ZNF516: variants seen among roughly 807,000 people sequenced by gnomAD.
ZNF516 encodes zinc finger protein 516.
A neutral mutation model predicts 79.7 loss-of-function variants in ZNF516; 19 were observed. The observed-to-expected ratio is 0.24, with a 90% CI of 0.17 to 0.35. The LOEUF is 0.35. ZNF516 is among the 10% of genes least tolerant of loss of function. The pLI is 1.00. For synonymous variants in ZNF516, 877 were observed against 739.5 expected (o/e 1.19, Z -3.02); for missense variants, 1,678 against 1,679.5 (o/e 1.00, Z 0.02).
At chr18:76,439,467 T>C (rs34186428) in intron 3 of ZNF516, among the ~76,000 whole-genome samples, 3,451 of 152,360 alleles carry the variant, frequency 0.023, 52 homozygotes, top group Middle Eastern at 0.034. Context: ...ATGATACATG[T>C]CTTGTTATAG....
At chr18:76,452,077 G>C (rs548757116) in intron 2 of ZNF516, among the ~76,000 whole-genome samples, 5 of 152,108 alleles carry the variant, frequency 3.3e-5, no homozygotes, top group Non-Finnish European at 5.9e-5. Context: ...ATGAATAAAA[G>C]GCGACCAGAA....
chr18:76,423,000 C>T (rs1206965418), intron 3 of ZNF516, among the ~76,000 whole-genome samples: 3 of 152,162 alleles, frequency 2.0e-5, no homozygotes, highest in Admixed American at 1.3e-4. Flanking sequence ...AATCTTAATG[C>T]GTCTGGCCAC....
chr18:76,489,586 C>CAA (rs5826461), intron 1 of ZNF516, among the ~76,000 whole-genome samples: 15 of 109,348 alleles, frequency 1.4e-4, no homozygotes, highest in East Asian at 5.5e-4. Flanking sequence ...CAACATCTTA[C>CAA]AAAAAAAAAA....
At chr18:76,434,420 AT>A (rs752288297) in intron 3 of ZNF516, among the ~76,000 whole-genome samples, 1 of 152,220 alleles carries the variant, frequency 6.6e-6, no homozygotes, top group Non-Finnish European at 1.5e-5. Context: ...AGTTTAGCAT[AT>A]GAGGCAAAGA....
At chr18:76,443,278 AC>A in intron 2 of ZNF516, 67 bp from the exon 3 acceptor site, 1 of 609,272 alleles carries the variant, frequency 1.6e-6, no homozygotes, top group Non-Finnish European at 2.7e-6. Context: ...GGCTGCGGGA[AC>A]CCCCACATGC....
chr18:76,465,511 G>A (rs1403926820), intron 1 of ZNF516, among the ~76,000 whole-genome samples: 1 of 152,224 alleles, frequency 6.6e-6, no homozygotes, highest in Non-Finnish European at 1.5e-5. Context: ...AGGATGGAGG[G>A]ACAGACAGGG....
intron 3 of ZNF516, among the ~76,000 whole-genome samples, chr18:76,433,009 GCACATCCTGAGTCCA>G (rs1265140466): frequency 1.3e-5 from 2 of 152,138 alleles, no homozygotes; most frequent in East Asian, 3.9e-4. Flanking sequence ...AGACCTGGCC[GCACATCCTGAGTCCA>G]CACATCCTGA....
chr18:76,464,414 G>C (rs1913320866), intron 1 of ZNF516, among the ~76,000 whole-genome samples: 1 of 152,174 alleles, frequency 6.6e-6, no homozygotes, highest in Non-Finnish European at 1.5e-5. Flanking sequence ...GCATGACTGG[G>C]GCCTTTGCTG....
intron 6 of ZNF516, among the ~76,000 whole-genome samples, chr18:76,368,056 C>G (rs973970423): frequency 6.6e-6 from 1 of 152,074 alleles, no homozygotes; most frequent in African/African-American, 2.4e-5. Flanking sequence ...GCAAAGCACG[C>G]TAAACATGAA....
intron 3 of ZNF516, among the ~76,000 whole-genome samples, chr18:76,418,653 T>C (rs184745686): frequency 1.3e-5 from 2 of 152,320 alleles, no homozygotes; most frequent in African/African-American, 2.4e-5. Flanking sequence ...AAGATTGTGC[T>C]TCTGGGTTAC....
At position 76,379,557 on chromosome 18, in the gene ZNF516, G is replaced by T. The variant is rs763956244; in HGVS notation, c.2557C>A (p.Pro853Thr). The T allele has an allele frequency of 2.5e-6, 4 of 1,613,696 alleles. No homozygotes were observed. The Admixed American group carries it at 6.7e-5, about 27-fold the overall frequency. Residue 853 changes from proline (P) to threonine (T), a missense_variant, in exon 4 of 7, where the codon CCC (proline) becomes ACC (threonine). Pro to Thr is a conservative substitution (Grantham distance 38, BLOSUM62 -1). Transcript: ENST00000443185. ...GMPGSKSGSS[P>T]LGVVTKAASM... Reference sequence around the variant, plus strand: ...GCGGCTTTTGTGACCACTCCCAGGGGAGAAGAGCCACTTTTGGACCCCGGC... The same window carrying T: ...GCGGCTTTTGTGACCACTCCCAGGGTAGAAGAGCCACTTTTGGACCCCGGC...
chr18:76,385,366 T>C (rs935336671), intron 3 of ZNF516, among the ~76,000 whole-genome samples: 7 of 152,222 alleles, frequency 4.6e-5, no homozygotes, highest in African/African-American at 1.4e-4. Flanking sequence ...CTGAAGTCCC[T>C]GAGGCAACAT....
At chr18:76,431,230 G>A (rs535961615) in intron 3 of ZNF516, among the ~76,000 whole-genome samples, 5 of 151,824 alleles carry the variant, frequency 3.3e-5, no homozygotes, top group East Asian at 1.9e-4. Flanking sequence ...GAAAAATTAC[G>A]AACTTGTGCC....
Position 76,370,536 on chromosome 18 carries a change from G to C in ZNF516, c.3424C>G (p.Pro1142Ala). ...SEVHTTSADAPKQGRDHSNTG... is the reference protein window; with the variant it reads ...SEVHTTSADAAKQGRDHSNTG... ...TTCATCATGAGACCTACTTGTTTGG[G>C]GGCGTCTGCGGAGGTGGTATGAACT... The change falls in exon 6 of 7, where the codon CCC becomes GCC. Residue 1142 changes from proline to alanine, a missense_variant. Pro to Ala is a conservative substitution (Grantham distance 27). Transcript: ENST00000443185. The C allele has an allele frequency of 1.2e-6, 2 of 1,607,036 alleles. No individual in the cohort carries two copies. Among genetic ancestry groups the C allele is most frequent in the Non-Finnish European group, 1.7e-6 (2 of 1,176,442 alleles).
chr18:76,419,251 T>C (rs1172104722), intron 3 of ZNF516, among the ~76,000 whole-genome samples: 1 of 152,126 alleles, frequency 6.6e-6, no homozygotes, highest in African/African-American at 2.4e-5. Flanking sequence ...AACAATGGGA[T>C]AGAGACAAGT....
Position 76,359,924 on chromosome 18 carries a change from C to CA in ZNF516, c.*2573dup, listed in dbSNP as rs1208270638. Reference sequence around the variant, plus strand: ...AAATCAACAAATTAACAAACCAACACAATACTGACGATGGGTGGAAGGAAG... The same window carrying CA: ...AAATCAACAAATTAACAAACCAACACAAATACTGACGATGGGTGGAAGGAAG... On this transcript the variant is annotated 3_prime_UTR_variant, in exon 7 of 7. Coordinates refer to ENST00000443185, the MANE Select transcript of ZNF516 (RefSeq NM_014643.4). 6.6e-6 allele frequency: 1 copy of CA among 152,204 alleles called. No individual in the cohort carries two copies. Among genetic ancestry groups the CA allele is most frequent in the African/African-American group, 2.4e-5 (1 of 41,446 alleles). The allele number at this position is 152,204 out of a possible 1,614,324, so 9.4% of individuals were successfully genotyped here. A position where few individuals can be genotyped will look rare whatever the true frequency, so the allele number is the denominator to read the frequency against.
intron 3 of ZNF516, among the ~76,000 whole-genome samples, chr18:76,425,035 AAC>A (rs200455435): frequency 1.4e-5 from 2 of 147,232 alleles, no homozygotes; most frequent in African/African-American, 5.0e-5. Context: ...GTTCCCCCGA[AAC>A]ACACACACGC....
rs551866635 is a variant in ZNF516, at chr18:76,391,894, C to G, written c.1811-11591G>C. ...ATCAGACAGAGACAGGCAGAGCCAG[C>G]AGGAGGAGGCCGGGCAGGTAGGCCC... On this transcript the variant is annotated intron_variant, in intron 3 of 6. Transcript: ENST00000443185. Among the ~76,000 whole-genome samples the G allele has an allele frequency of 1.5e-3, 223 of 152,322 alleles. 1 individual carries two copies. Among genetic ancestry groups the G allele is most frequent in the Non-Finnish European group, 2.3e-3 (157 of 68,024 alleles).
chr18:76,454,870 A>C (rs1362966062), intron 2 of ZNF516, among the ~76,000 whole-genome samples: 3 of 152,234 alleles, frequency 2.0e-5, no homozygotes, highest in African/African-American at 7.2e-5. Flanking sequence ...TTTGCACCTG[A>C]AGTGATCATA....
Sources: allele counts gnomAD v4.1 joint callset (sites outside exome capture counted in the v4.1 genomes callset), GRCh38; gene constraint gnomAD v4.1.1; transcripts MANE v1.5; gene names NCBI Gene and HGNC (gene_info 2026-07-23, HGNC 2026-07-21).